Variants in POU2F3 observed in about 807,000 individuals in gnomAD.
The protein encoded by POU2F3 is POU class 2 homeobox 3.
In POU2F3, 23 loss-of-function variants were observed where a neutral mutation model predicts 59.2. That is an observed-to-expected ratio of 0.39 (90% confidence interval 0.28 to 0.55). The LOEUF is 0.55. POU2F3 is among the 20% of genes least tolerant of loss of function. The probability of loss-of-function intolerance (pLI) is 0.66; values close to 1 mark genes in which losing one functional copy is unlikely to be tolerated. For synonymous variants in POU2F3, 190 were observed against 214.6 expected, an observed-to-expected ratio of 0.89 and a Z score of 1.00; for missense variants, 473 against 544.5, an observed-to-expected ratio of 0.87 and a Z score of 1.31.
intron 1 of POU2F3, among the ~76,000 whole-genome samples, chr11:120,242,377 C>G (rs566581297): frequency 6.6e-6 from 1 of 152,136 alleles, no homozygotes; most frequent in African/African-American, 2.4e-5. Flanking sequence ...GAAGGAGGAT[C>G]GCTCTTCCCT....
In POU2F3 at chr11:120,298,484, C is replaced by A. The variant is rs1432662846; in HGVS notation, c.258+94C>A. 5 of 1,522,758 alleles carry A rather than the reference C, an allele frequency of 3.3e-6. No individual in the cohort carries two copies. The African/African-American group carries it at 7.0e-5, about 21-fold the overall frequency. 94.3% of individuals were successfully genotyped at this position (1,522,758 alleles called of 1,614,324 possible). ...ATGCTTGGTACTCGTCTAAAGAACC[C>A]CCTGCAGGCAATGTGGGAAAGAGAT... On this transcript the variant is annotated intron_variant, in intron 4 of 12. Transcript: ENST00000543440.
At chr11:120,277,081 T>A (rs546295168) in intron 3 of POU2F3, among the ~76,000 whole-genome samples, 96 of 151,236 alleles carry the variant, frequency 6.3e-4, no homozygotes, top group Non-Finnish European at 1.2e-3. Flanking sequence ...AATACAAAAA[T>A]ACAAAAAAAT....
chr11:120,291,867 G>A (rs918443561), intron 3 of POU2F3, among the ~76,000 whole-genome samples: 3 of 150,446 alleles, frequency 2.0e-5, no homozygotes, highest in African/African-American at 4.9e-5. Flanking sequence ...GGAGTGCAGT[G>A]GCGCAATCTT....
chr11:120,246,626 C>G, intron 2 of POU2F3, 109 bp downstream of exon 2: 1 of 1,159,338 alleles, frequency 8.6e-7, no homozygotes, highest in Non-Finnish European at 1.3e-6. Flanking sequence ...CAACCAGACC[C>G]CAAAGCTAGG....
intron 3 of POU2F3, among the ~76,000 whole-genome samples, chr11:120,270,224 C>T (rs1940001925): frequency 6.6e-6 from 1 of 151,956 alleles, no homozygotes; most frequent in Non-Finnish European, 1.5e-5. Context: ...TGCACTATGC[C>T]AGGTATGGGA....
intron 3 of POU2F3, among the ~76,000 whole-genome samples, chr11:120,281,911 T>C (rs568900844): frequency 9.9e-6 from 1 of 101,512 alleles, no homozygotes. Context: ...GAGGATTCAA[T>C]GAATCTTGAG....
intron 2 of POU2F3, 148 bp from the exon 3 acceptor site, chr11:120,269,062 G>T: frequency 1.7e-6 from 1 of 580,502 alleles, no homozygotes; most frequent in South Asian, 2.2e-5. Context: ...CAGGAAACAG[G>T]TCGAGGAGGA....
chr11:120,305,436 C>A, intron 7 of POU2F3: 1 of 919,738 alleles, frequency 1.1e-6, no homozygotes, highest in Middle Eastern at 3.5e-4. Context: ...CTCTCCTGAG[C>A]ACGTGGGCGT....
chr11:120,288,793 C>G (rs1389626324), intron 3 of POU2F3, among the ~76,000 whole-genome samples: 1 of 151,990 alleles, frequency 6.6e-6, no homozygotes, highest in Admixed American at 6.5e-5. Context: ...TACATACGCA[C>G]ATGTATGTAT....
intron 10 of POU2F3, among the ~76,000 whole-genome samples, chr11:120,309,802 G>A (rs1225351573): frequency 6.6e-6 from 1 of 152,198 alleles, no homozygotes; most frequent in African/African-American, 2.4e-5. Flanking sequence ...CCCTGAAAAG[G>A]GTGTGTGAAC....
chr11:120,297,553 T>G (rs1182625859), intron 3 of POU2F3, among the ~76,000 whole-genome samples: 1 of 152,140 alleles, frequency 6.6e-6, no homozygotes, highest in Non-Finnish European at 1.5e-5. Context: ...CTCCTCCAGA[T>G]CAGTGGTGCC....
chr11:120,317,186 G>A (rs750816262), intron 11 of POU2F3, 43 bp from the exon 12 acceptor site: 4 of 1,610,252 alleles, frequency 2.5e-6, no homozygotes. Context: ...CCGGGATCCA[G>A]CAGCATTATT....
At chr11:120,307,753 A>C in intron 9 of POU2F3, 138 bp downstream of exon 9, 3 of 1,163,634 alleles carry the variant, frequency 2.6e-6, no homozygotes, top group Non-Finnish European at 3.6e-6. Context: ...ACATTATCCC[A>C]CTCCAGGCGC....
At chr11:120,304,407 C>T (rs1425093756) in intron 6 of POU2F3, 2 of 151,524 alleles carry the variant, frequency 1.3e-5, no homozygotes, top group Admixed American at 6.6e-5. Flanking sequence ...GATCAAGGTG[C>T]ATTTTATAAA....
chr11:120,299,520 GTC>G (rs1340737376), intron 4 of POU2F3, 102 bp from the exon 5 acceptor site: 2 of 956,714 alleles, frequency 2.1e-6, no homozygotes, highest in Middle Eastern at 2.3e-4. Context: ...AGCCTGCAAA[GTC>G]TCTGAGTCTG....
intron 2 of POU2F3, chr11:120,265,542 AG>A (rs1269176705): frequency 6.6e-6 from 1 of 152,242 alleles, no homozygotes; most frequent in African/African-American, 2.4e-5. Flanking sequence ...ATGCATCCTC[AG>A]GGTGAGATGC....
intron 2 of POU2F3, 74 bp from the exon 3 acceptor site, chr11:120,269,136 C>G: frequency 1.6e-6 from 2 of 1,223,086 alleles, no homozygotes; most frequent in Non-Finnish European, 2.4e-6. Flanking sequence ...CTCTCAACAT[C>G]CTAGTTTTTT....
At position 120,315,394 on chromosome 11, in the gene POU2F3, GTCCC is replaced by G; in HGVS notation, c.1106_1109del (p.Pro369LeufsTer10). 6.2e-7 allele frequency: 1 copy of G among 1,613,718 alleles called. No homozygotes were observed. The highest frequency in any genetic ancestry group is 8.5e-7 in the Non-Finnish European group (1 of 1,179,632). On this transcript the variant is annotated frameshift_variant, in exon 11 of 13. Coordinates refer to ENST00000543440, the MANE Select transcript of POU2F3 (RefSeq NM_014352.4). LOFTEE classifies it high-confidence loss of function. ...CTCAGGGTCTCTGGGCCCCCTCTCT[GTCCC>G]TCCTGTCCACAGTACCATGCCTGGA...
At chr11:120,317,037 AC>A in intron 11 of POU2F3, 191 bp from the exon 12 acceptor site, 1 of 635,524 alleles carries the variant, frequency 1.6e-6, no homozygotes, top group Non-Finnish European at 2.8e-6. Flanking sequence ...AGCATTTGTG[AC>A]GACAGCCCCT....
Sources: allele counts gnomAD v4.1 joint callset (sites outside exome capture counted in the v4.1 genomes callset), GRCh38; gene constraint gnomAD v4.1.1; transcripts MANE v1.5; gene names NCBI Gene and HGNC (gene_info 2026-07-23, HGNC 2026-07-21).